The following CHID1 variants were observed in gnomAD, a reference collection of about 807,000 sequenced individuals.
CHID1 encodes the protein chitinase domain containing 1.
Under a neutral mutation model 55.4 loss-of-function variants are expected in CHID1, and 44 were observed. That is an observed-to-expected ratio of 0.79 (90% CI 0.62 to 1.02). The LOEUF (loss-of-function observed/expected upper bound fraction) is 1.02, where lower values mean the gene tolerates loss of function less well. Ranked by LOEUF, CHID1 falls within the 50% of genes least tolerant of loss-of-function variation. The probability of loss-of-function intolerance (pLI) is 0.00; values close to 1 mark genes in which losing one functional copy is unlikely to be tolerated. For synonymous variants in CHID1, 216 were observed against 212.9 expected, an observed-to-expected ratio of 1.01 and a Z score of -0.13; for missense variants, 491 against 515.3, an observed-to-expected ratio of 0.95 and a Z score of 0.46.
chr11:884,861 C>T (rs974773153), intron 8 of CHID1, among the ~76,000 whole-genome samples: 3 of 152,234 alleles, frequency 2.0e-5, no homozygotes, highest in Non-Finnish European at 2.9e-5. Context: ...TCTGGATGGC[C>T]GCCCTTCCCT....
At chr11:884,207 C>A in intron 8 of CHID1, 38 bp from the exon 9 acceptor site, 1 of 1,531,060 alleles carries the variant, frequency 6.5e-7, no homozygotes. Context: ...GGCTGCTATG[C>A]CCTGCCTGAA....
chr11:902,029 TCA>T (rs1476619217), intron 4 of CHID1, 167 bp downstream of exon 4: 13 of 637,870 alleles, frequency 2.0e-5, no homozygotes, highest in Non-Finnish European at 3.1e-5. Flanking sequence ...ATCATCAGTC[TCA>T]CACTTACACA....
At chr11:900,809 G>T in intron 5 of CHID1, 127 bp downstream of exon 5, 2 of 736,870 alleles carry the variant, frequency 2.7e-6, no homozygotes, top group Admixed American at 3.1e-5. Context: ...ATCTCTGAGC[G>T]GTCAAAGTAA....
chr11:909,600 T>C (rs971205329), intron 1 of CHID1, among the ~76,000 whole-genome samples: 7 of 152,238 alleles, frequency 4.6e-5, no homozygotes, highest in African/African-American at 1.4e-4. Flanking sequence ...GTGTATGTCA[T>C]GTGTGCACAT....
intron 10 of CHID1, among the ~76,000 whole-genome samples, chr11:870,969 C>T (rs1456636695): frequency 2.0e-5 from 3 of 149,768 alleles, no homozygotes; most frequent in East Asian, 2.0e-4. Flanking sequence ...GATGGCTGCC[C>T]GGGGCAGTGG....
intron 10 of CHID1, among the ~76,000 whole-genome samples, chr11:879,658 C>A (rs1296626856): frequency 1.3e-5 from 2 of 152,244 alleles, no homozygotes; most frequent in African/African-American, 4.8e-5. Context: ...GCTGCCCCAT[C>A]TATGGTACTT....
intron 1 of CHID1, among the ~76,000 whole-genome samples, chr11:907,188 A>G (rs1231922621): frequency 6.6e-6 from 1 of 152,106 alleles, no homozygotes; most frequent in Non-Finnish European, 1.5e-5. Flanking sequence ...AACAAAAGTG[A>G]TTCTACTTTC....
At chr11:872,725 C>T (rs1849258234) in intron 10 of CHID1, among the ~76,000 whole-genome samples, 2 of 152,234 alleles carry the variant, frequency 1.3e-5, no homozygotes, top group South Asian at 2.1e-4. Flanking sequence ...TAATTTGCAG[C>T]GTCCCCCCTC....
upstream of CHID1, among the ~76,000 whole-genome samples, chr11:912,360 T>C (rs1206850625): frequency 6.6e-6 from 1 of 152,120 alleles, no homozygotes; most frequent in African/African-American, 2.4e-5. Context: ...GGGTTCACTC[T>C]GGGCCAGAAC....
chr11:909,659 C>A (rs1315005757), intron 1 of CHID1, among the ~76,000 whole-genome samples: 2 of 151,774 alleles, frequency 1.3e-5, no homozygotes, highest in African/African-American at 4.8e-5. Flanking sequence ...CCAATCAGAG[C>A]TAACTCTATT....
chr11:908,485 G>T, intron 1 of CHID1: 1 of 703,514 alleles, frequency 1.4e-6, no homozygotes, highest in Non-Finnish European at 1.7e-6. Flanking sequence ...AACAGCCCCA[G>T]GGAAGGTGGG....
At chr11:877,066 G>C (rs986312078) in intron 10 of CHID1, among the ~76,000 whole-genome samples, 7 of 152,162 alleles carry the variant, frequency 4.6e-5, no homozygotes, top group Non-Finnish European at 5.9e-5. Flanking sequence ...TTCTCAGCTG[G>C]GAGTGAGGAC....
chr11:909,198 G>A (rs1180672027), intron 1 of CHID1, among the ~76,000 whole-genome samples: 3 of 152,160 alleles, frequency 2.0e-5, no homozygotes, highest in Admixed American at 1.3e-4. Context: ...CCGGCCGCTC[G>A]GCTCTGAGGC....
intron 7 of CHID1, among the ~76,000 whole-genome samples, chr11:898,407 C>T (rs1470443801): frequency 2.6e-5 from 4 of 152,220 alleles, no homozygotes; most frequent in Admixed American, 2.6e-4. Context: ...GGCTGAAGGG[C>T]TGGACAGCTG....
At chr11:882,163 A>G (rs1315717123) in intron 10 of CHID1, among the ~76,000 whole-genome samples, 2 of 152,144 alleles carry the variant, frequency 1.3e-5, no homozygotes, top group African/African-American at 4.8e-5. Context: ...CATCTCTACT[A>G]AAGATACAAA....
chr11:877,351 G>A (rs1254479476), intron 10 of CHID1, among the ~76,000 whole-genome samples: 1 of 152,190 alleles, frequency 6.6e-6, no homozygotes, highest in African/African-American at 2.4e-5. Flanking sequence ...CCACAGCTCA[G>A]GCATTCCTCA....
intron 10 of CHID1, among the ~76,000 whole-genome samples, chr11:871,986 G>A (rs571265695): frequency 7.0e-4 from 106 of 152,284 alleles, no homozygotes; most frequent in African/African-American, 2.3e-3. Context: ...GTGAATGGGA[G>A]CAGCTGCCAC....
intron 10 of CHID1, among the ~76,000 whole-genome samples, chr11:881,372 C>T (rs1849905805): frequency 6.6e-6 from 1 of 151,502 alleles, no homozygotes; most frequent in Admixed American, 6.6e-5. Flanking sequence ...AGGACCACGT[C>T]GGGCGGTAGG....
upstream of CHID1, chr11:914,836 C>A: frequency 9.0e-6 from 3 of 332,504 alleles, no homozygotes; most frequent in South Asian, 6.9e-5. Flanking sequence ...GGTGGGGTCG[C>A]GGCGGCTCTG....
Sources: allele counts gnomAD v4.1 joint callset (sites outside exome capture counted in the v4.1 genomes callset), GRCh38; gene constraint gnomAD v4.1.1; transcripts MANE v1.5; gene names NCBI Gene and HGNC (gene_info 2026-07-23, HGNC 2026-07-21).